RHEBL1: variants seen among roughly 807,000 people sequenced by gnomAD.
RHEBL1 encodes RHEB like 1, also known as GTPase RhebL1.
A neutral mutation model predicts 27.4 loss-of-function variants in RHEBL1; 22 were observed. The ratio of observed to expected loss-of-function variants is 0.80; its 90% CI spans 0.57 to 1.15. The LOEUF is 1.15. RHEBL1 is among the 50% of genes most tolerant of loss of function. RHEBL1 has a pLI of 0.00. For missense variants in RHEBL1, 186 were observed against 226.5 expected, an observed-to-expected ratio of 0.82 and a Z score of 1.15; for synonymous variants, 85 against 80.8, an observed-to-expected ratio of 1.05 and a Z score of -0.28.
At position 49,069,098 on chromosome 12, in the gene RHEBL1, A is replaced by T; in HGVS notation, c.61T>A (p.Ser21Thr). 1 of 1,614,124 alleles carries T rather than the reference A, an allele frequency of 6.2e-7. No homozygotes were observed. Among genetic ancestry groups the T allele is most frequent in the Non-Finnish European group, 8.5e-7 (1 of 1,180,006 alleles). The change falls in exon 2 of 8, where the codon TCT becomes ACT. Residue 21 changes from serine to threonine, a missense_variant. By Grantham distance (58) the Ser-to-Thr change is moderately conservative. Around this residue, in one of 3 missense-constraint regions of RHEBL1, gnomAD observed 62 missense variants for 62.1 expected, o/e 1.00. Transcript: ENST00000301068. The stretch of plus-strand genomic sequence containing the variant: ...CCTTCCACAAATTGATGTGCCAAAG[A>T]TGTCTTCCCTGTGGGGAGCAGTGTG... ...ILGYRCVGKT[S>T]LAHQFVEGEF...
In RHEBL1 at chr12:49,068,672, T is replaced by C. The variant is rs1592178150; in HGVS notation, c.124+363A>G. ...GTTGGTCTCGAAATCCAGACCTCAA[T>C]CCATCCGCCCGCCTCAGCTTCCCAA... On this transcript the variant is annotated intron_variant, in intron 2 of 7. Coordinates refer to ENST00000301068, the MANE Select transcript of RHEBL1 (RefSeq NM_144593.3). 2.0e-5 allele frequency among the ~76,000 whole-genome samples: 3 copies of C among 151,682 alleles called. No homozygotes were observed. The East Asian group carries it at 5.9e-4, about 30-fold the overall frequency.
chr12:49,068,604 T>G (rs1939036659), intron 2 of RHEBL1, among the ~76,000 whole-genome samples: 1 of 151,854 alleles, frequency 6.6e-6, no homozygotes, highest in African/African-American at 2.4e-5. Flanking sequence ...CCCAGCTAAT[T>G]TTGGTATTTT....
At position 49,069,834 on chromosome 12, in the gene RHEBL1, C is replaced by G. The variant is rs951728725; in HGVS notation, c.-49G>C. 1 of 1,559,454 alleles carries G rather than the reference C, an allele frequency of 6.4e-7. No homozygotes were observed. The highest frequency in any genetic ancestry group is 1.1e-5 in the South Asian group (1 of 89,880). ...TGCGGAACTGCGGGCTCAGAGAGCC[C>G]GAAAACGAGGTCAGGGTGTGAGCAG... On this transcript the variant is annotated 5_prime_UTR_variant, in exon 1 of 8. Coordinates refer to ENST00000301068, the MANE Select transcript of RHEBL1 (RefSeq NM_144593.3).
At position 49,066,533 on chromosome 12, in the gene RHEBL1, C is replaced by T. The variant is rs778880081; in HGVS notation, c.276-1G>A. On this transcript the variant is annotated splice_acceptor_variant, in intron 4 of 7. Transcript: ENST00000301068. LOFTEE classifies it high-confidence loss of function. ...GTACAGACTCTCAATGACTTGGAAG[C>T]TTTAAACACAAGAATTGGAGCTATA... 4.3e-6 allele frequency: 7 copies of T among 1,614,070 alleles called. No individual in the cohort carries two copies. Among genetic ancestry groups the T allele is most frequent in the Non-Finnish European group, 5.9e-6 (7 of 1,180,050 alleles).
chr12:49,069,142 T>C (rs974940057), intron 1 of RHEBL1, 36 bp from the exon 2 acceptor site: 1 of 1,613,854 alleles, frequency 6.2e-7, no homozygotes, highest in Admixed American at 1.7e-5. Context: ...ATCCAAATCA[T>C]CCATCCACAT....
At chr12:49,068,932 A>C in intron 2 of RHEBL1, 103 bp downstream of exon 2, 1 of 1,219,798 alleles carries the variant, frequency 8.2e-7, no homozygotes, top group Non-Finnish European at 1.2e-6. Flanking sequence ...TGTCTAAATA[A>C]ATCAGCCCCT....
chr12:49,066,638 A>G lies in RHEBL1; in HGVS notation c.256T>C (p.Ser86Pro). Residue 86 changes from serine to proline, a missense_variant, in exon 4 of 8, where the codon TCT (serine) becomes CCT (proline). Coordinates refer to ENST00000301068, the MANE Select transcript of RHEBL1 (RefSeq NM_144593.3). ...ACTTACCTATGCAGAGAGGTGACAG[A>G]ATACACAAGCACATAACCATGGACC... ...IGVHGYVLVY[S>P]VTSLHSFQVI... 6.2e-7 allele frequency: 1 copy of G among 1,614,174 alleles called. No individual in the cohort carries two copies. The highest frequency in any genetic ancestry group is 8.5e-7 in the Non-Finnish European group (1 of 1,179,984).
chr12:49,066,856 G>T, intron 3 of RHEBL1, 112 bp downstream of exon 3: 1 of 1,096,024 alleles, frequency 9.1e-7, no homozygotes, highest in Non-Finnish European at 1.4e-6. Flanking sequence ...CCTGCATACT[G>T]TTAGCAGGTA....
At chr12:49,065,744 T>C (rs1475234139) in intron 6 of RHEBL1, among the ~76,000 whole-genome samples, 2 of 151,898 alleles carry the variant, frequency 1.3e-5, no homozygotes, top group African/African-American at 4.8e-5. Flanking sequence ...GCTAACATGG[T>C]GAAACCCCGT....
chr12:49,066,815 A>C, intron 3 of RHEBL1, 114 bp from the exon 4 acceptor site: 1 of 1,137,922 alleles, frequency 8.8e-7, no homozygotes. Context: ...TAGTCACTTC[A>C]ACATGTATTT....
chr12:49,069,086 G>T lies in RHEBL1; in HGVS notation c.73C>A (p.Gln25Lys). Residue 25 changes from glutamine to lysine, a missense_variant, in exon 2 of 8, where the codon CAA becomes AAA. Physicochemically the swap from Gln to Lys is moderately conservative, Grantham distance 53 (BLOSUM62 1). Coordinates refer to ENST00000301068, the MANE Select transcript of RHEBL1 (RefSeq NM_144593.3). ...RCVGKTSLAH[Q>K]FVEGEFSEGY... Reference sequence around the variant, plus strand: ...TCCGAGAACTCGCCTTCCACAAATTGATGTGCCAAAGATGTCTTCCCTGTG... The same window carrying T: ...TCCGAGAACTCGCCTTCCACAAATTTATGTGCCAAAGATGTCTTCCCTGTG... 6.2e-7 allele frequency: 1 copy of T among 1,614,100 alleles called. No homozygotes were observed. The highest frequency in any genetic ancestry group is 8.5e-7 in the Non-Finnish European group (1 of 1,179,992).
chr12:49,068,429 CTTTT>C (rs56316449), intron 2 of RHEBL1, among the ~76,000 whole-genome samples: 1 of 99,656 alleles, frequency 1.0e-5, no homozygotes, highest in Non-Finnish European at 2.0e-5. Flanking sequence ...CGGTGCCCAG[CTTTT>C]TTTTTTTTTT....
intron 6 of RHEBL1, among the ~76,000 whole-genome samples, 160 bp from the exon 7 acceptor site, chr12:49,065,591 C>G (rs902644721): frequency 3.3e-5 from 5 of 151,626 alleles, no homozygotes; most frequent in African/African-American, 9.7e-5. Flanking sequence ...CTCAGGAGTT[C>G]AAGACCAGCC....
At chr12:49,069,257 C>A in intron 1 of RHEBL1, 151 bp from the exon 2 acceptor site, 3 of 1,349,360 alleles carry the variant, frequency 2.2e-6, no homozygotes, top group Non-Finnish European at 3.0e-6. Context: ...TGTGTCTACC[C>A]TCACCCTCTT....
intron 3 of RHEBL1, 119 bp downstream of exon 3, chr12:49,066,849 G>T: frequency 1.8e-6 from 2 of 1,084,710 alleles, no homozygotes; most frequent in Non-Finnish European, 2.8e-6. Flanking sequence ...AATGAGCCCT[G>T]CATACTGTTA....
Position 49,069,925 on chromosome 12 carries a change from A to G in RHEBL1, c.-140T>C. 1 of 711,306 alleles carries G rather than the reference A, an allele frequency of 1.4e-6. No individual in the cohort carries two copies. The allele number at this position is 711,306 out of a possible 1,614,324, so 44.1% of individuals were successfully genotyped here. ...GCCGTGGGCAAGTTAGAAGGAAACC[A>G]AAACAAGCGCCGCGCCCGGAGCTGC... On this transcript the variant is annotated 5_prime_UTR_variant, in exon 1 of 8. Coordinates refer to ENST00000301068, the MANE Select transcript of RHEBL1 (RefSeq NM_144593.3).
chr12:49,066,872 C>G, intron 3 of RHEBL1, 96 bp downstream of exon 3: 1 of 1,156,362 alleles, frequency 8.6e-7, no homozygotes, highest in Non-Finnish European at 1.3e-6. Flanking sequence ...AGGTAAAATG[C>G]TTTTAATACT....
At chr12:49,067,829 G>T (rs1490998291) in intron 2 of RHEBL1, among the ~76,000 whole-genome samples, 1 of 152,134 alleles carries the variant, frequency 6.6e-6, no homozygotes, top group East Asian at 1.9e-4. Flanking sequence ...ATGAATAATA[G>T]ATGTACCAAG....
intron 2 of RHEBL1, among the ~76,000 whole-genome samples, chr12:49,067,341 G>T (rs145056685): frequency 2.0e-5 from 3 of 151,138 alleles, no homozygotes; most frequent in Non-Finnish European, 4.4e-5. Flanking sequence ...ATTCACAGGC[G>T]CACTCTTAGC....
Sources: gnomAD v4.1 joint callset for allele counts (sites outside exome capture counted in the v4.1 genomes callset) on GRCh38, gnomAD v4.1.1 for gene constraint, gnomAD v4.1.1 regional missense constraint, MANE v1.5 for transcripts, NCBI Gene and HGNC (gene_info 2026-07-23, HGNC 2026-07-21) for gene names.